MCC: variants seen among roughly 807,000 people sequenced by gnomAD.
MCC encodes colorectal mutant cancer protein.
A neutral mutation model predicts 116.2 loss-of-function variants in MCC; 90 were observed. The observed-to-expected ratio is 0.77, with a 90% CI of 0.65 to 0.92. The LOEUF is 0.92. Among genes scored for constraint, MCC ranks in the 40% least tolerant of loss-of-function variants. The pLI is 0.00. For synonymous variants in MCC, 578 were observed against 510.5 expected (o/e 1.13, Z -1.78); for missense variants, 1,516 against 1,312.2 (o/e 1.16, Z -2.40).
chr5:113,102,022 G>T, intron 7 of MCC, 77 bp from the exon 8 acceptor site: 2 of 1,390,276 alleles, frequency 1.4e-6, no homozygotes, highest in Non-Finnish European at 2.0e-6. Flanking sequence ...AGGCTGAACA[G>T]GAATAAATGT....
intron 3 of MCC, among the ~76,000 whole-genome samples, chr5:113,218,482 T>C (rs1252129738): frequency 6.6e-6 from 1 of 152,172 alleles, no homozygotes; most frequent in African/African-American, 2.4e-5. Context: ...TGGGTCAGAA[T>C]AATCAGTTAA....
At chr5:113,236,777 C>G (rs1035080758) in intron 3 of MCC, among the ~76,000 whole-genome samples, 9 of 152,144 alleles carry the variant, frequency 5.9e-5, no homozygotes, top group African/African-American at 2.2e-4. Context: ...AAGGCCCCTC[C>G]CTCCCTCCTC....
At chr5:113,475,198 G>C (rs1222419168) in intron 1 of MCC, among the ~76,000 whole-genome samples, 1 of 152,190 alleles carries the variant, frequency 6.6e-6, no homozygotes, top group African/African-American at 2.4e-5. Context: ...CCAACATTAA[G>C]TATAAATGCT....
chr5:113,446,505 C>T (rs1476410213), intron 1 of MCC, among the ~76,000 whole-genome samples: 4 of 152,152 alleles, frequency 2.6e-5, no homozygotes, highest in Non-Finnish European at 4.4e-5. Context: ...TGCTCAACAT[C>T]GCTAATCATC....
intron 2 of MCC, among the ~76,000 whole-genome samples, chr5:113,342,899 G>C (rs1561531454): frequency 6.6e-6 from 1 of 152,200 alleles, no homozygotes; most frequent in Non-Finnish European, 1.5e-5. Context: ...CTATGCACAG[G>C]ACGTGTACTG....
rs1320629664 is a variant in MCC at position 113,434,816 on chromosome 5, C to T, written c.171-49604G>A. The T allele has an allele frequency of 1.9e-6, 3 of 1,610,996 alleles. No homozygotes were observed. The highest frequency in any genetic ancestry group is 2.5e-6 in the Non-Finnish European group (3 of 1,177,564). On this transcript the variant is annotated intron_variant, in intron 1 of 18. Transcript: ENST00000408903. The surrounding 1 kb of genome is among the most constrained non-coding windows in gnomAD (Gnocchi z 4.2). ...TTATCCCCAGGAGGTAGCCTCGTCG[C>T]TTGAGGACAGCAGCGTCATCCATGG...
intron 3 of MCC, among the ~76,000 whole-genome samples, chr5:113,290,085 A>C (rs1766424502): frequency 6.6e-6 from 1 of 152,256 alleles, no homozygotes; most frequent in Admixed American, 6.5e-5. Flanking sequence ...TAGTCACACA[A>C]GATAATCTAG....
chr5:113,082,132 A>G (rs994319132), intron 11 of MCC, among the ~76,000 whole-genome samples: 1 of 152,252 alleles, frequency 6.6e-6, no homozygotes, highest in Admixed American at 6.5e-5. Context: ...ATGACACATA[A>G]GAGAGTCTTT....
At chr5:113,242,790 C>A (rs1337896300) in intron 3 of MCC, among the ~76,000 whole-genome samples, 2 of 152,096 alleles carry the variant, frequency 1.3e-5, no homozygotes, top group African/African-American at 2.4e-5. Context: ...CCATTCCCTT[C>A]CATCTCACCA....
chr5:113,351,430 A>C (rs67344014), intron 2 of MCC, among the ~76,000 whole-genome samples: 20,560 of 152,164 alleles, frequency 0.14, 1,637 homozygotes, highest in African/African-American at 0.18. Flanking sequence ...AAATGAAATA[A>C]GCCAGGCACA....
intron 3 of MCC, among the ~76,000 whole-genome samples, chr5:113,224,714 G>A (rs1184337554): frequency 6.6e-6 from 1 of 152,152 alleles, no homozygotes; most frequent in Admixed American, 6.5e-5. Flanking sequence ...GTCAGGAAAA[G>A]GACTTTCCTG....
chr5:113,338,489 A>G (rs1317632064), intron 3 of MCC, among the ~76,000 whole-genome samples: 1 of 152,234 alleles, frequency 6.6e-6, no homozygotes, highest in Non-Finnish European at 1.5e-5. Context: ...AGAGTCATAC[A>G]GAGATAGGAA....
At chr5:113,273,560 T>A (rs929507016) in intron 3 of MCC, among the ~76,000 whole-genome samples, 1 of 152,076 alleles carries the variant, frequency 6.6e-6, no homozygotes, top group African/African-American at 2.4e-5. Flanking sequence ...TACAAACTTG[T>A]AGGGGAAGCA....
intron 3 of MCC, among the ~76,000 whole-genome samples, chr5:113,228,156 T>C (rs1034655362): frequency 6.6e-6 from 1 of 152,220 alleles, no homozygotes; most frequent in African/African-American, 2.4e-5. Context: ...ACATTCTGAA[T>C]AGGTACAGGG....
chr5:113,416,788 TAAAC>T (rs973403716), intron 1 of MCC, among the ~76,000 whole-genome samples: 5 of 152,154 alleles, frequency 3.3e-5, no homozygotes, highest in African/African-American at 1.2e-4. Context: ...TCTTCAATAA[TAAAC>T]AGATAAAATT....
chr5:113,133,941 A>G (rs1758634892), intron 5 of MCC, among the ~76,000 whole-genome samples: 1 of 152,186 alleles, frequency 6.6e-6, no homozygotes, highest in Non-Finnish European at 1.5e-5. Context: ...TTTGCTAAAA[A>G]AAATCAGATT....
chr5:113,090,030 C>G (rs1444793089), intron 8 of MCC, among the ~76,000 whole-genome samples: 1 of 152,080 alleles, frequency 6.6e-6, no homozygotes, highest in Admixed American at 6.6e-5. Flanking sequence ...AGATGTAAGT[C>G]TGAAGGAAAG....
At position 113,366,961 on chromosome 5, in the gene MCC, C is replaced by G. The variant is rs145141360; in HGVS notation, c.415+18007G>C. Among the ~76,000 whole-genome samples the G allele has an allele frequency of 7.3e-4, 111 of 152,130 alleles. No homozygotes were observed. In the East Asian group the frequency reaches 0.018, roughly 24 times the overall value. ...GGACCACAGCTGTGCACCACCATGTCTGGCTAATTTTTAAAATTTTTTGTA... is the reference window on the plus strand; with the variant it reads ...GGACCACAGCTGTGCACCACCATGTGTGGCTAATTTTTAAAATTTTTTGTA... On this transcript the variant is annotated intron_variant, in intron 2 of 18. Coordinates refer to ENST00000408903, the MANE Select transcript of MCC (RefSeq NM_001085377.2).
intron 2 of MCC, among the ~76,000 whole-genome samples, chr5:113,381,202 C>T (rs374190393): frequency 1.1e-4 from 17 of 152,118 alleles, no homozygotes; most frequent in East Asian, 3.9e-4. Context: ...CTTTTGCACG[C>T]GAGACAGTGG....
Sources: allele counts gnomAD v4.1 joint callset (sites outside exome capture counted in the v4.1 genomes callset), GRCh38; gene constraint gnomAD v4.1.1; non-coding constraint Gnocchi (gnomAD v3.1); transcripts MANE v1.5; gene names NCBI Gene and HGNC (gene_info 2026-07-23, HGNC 2026-07-21).